The following IFT46 variants were observed in gnomAD, a reference collection of about 807,000 sequenced individuals.
IFT46 encodes intraflagellar transport protein 46 homolog.
A neutral mutation model predicts 39.6 loss-of-function variants in IFT46; 19 were observed. That is an observed-to-expected ratio of 0.48 (90% CI 0.33 to 0.70). The LOEUF is 0.70. Among genes scored for constraint, IFT46 ranks in the 30% least tolerant of loss-of-function variants. The pLI is 0.01. For missense variants in IFT46, 334 were observed against 364.8 expected (o/e 0.92, Z 0.69); for synonymous variants, 117 against 134.8 (o/e 0.87, Z 0.91).
intron 2 of IFT46, among the ~76,000 whole-genome samples, chr11:118,564,176 G>T (rs1938151273): frequency 8.1e-6 from 1 of 122,710 alleles, no homozygotes; most frequent in Non-Finnish European, 1.6e-5. Flanking sequence ...GTGATAGAGT[G>T]AGACTCTGTC....
chr11:118,559,513 C>T (rs1419922886), intron 3 of IFT46, among the ~76,000 whole-genome samples: 1 of 152,138 alleles, frequency 6.6e-6, no homozygotes, highest in African/African-American at 2.4e-5. Flanking sequence ...AAATAAGTAC[C>T]TCAGTTGAGT....
At chr11:118,573,450 C>G (rs1222640900), upstream of IFT46, among the ~76,000 whole-genome samples, 1 of 152,210 alleles carries the variant, frequency 6.6e-6, no homozygotes, top group African/African-American at 2.4e-5. Context: ...GAAATCAGAA[C>G]TGCTGACATC....
At chr11:118,571,115 C>T (rs959646288) in intron 1 of IFT46, among the ~76,000 whole-genome samples, 1 of 152,102 alleles carries the variant, frequency 6.6e-6, no homozygotes, top group Non-Finnish European at 1.5e-5. Flanking sequence ...TCCTACCCTT[C>T]CTGAGCCCCT....
chr11:118,554,410 C>G, intron 7 of IFT46, 49 bp downstream of exon 7: 1 of 1,530,252 alleles, frequency 6.5e-7, no homozygotes. Context: ...AAGGCCTCCT[C>G]CACTCTTGGC....
upstream of IFT46, among the ~76,000 whole-genome samples, chr11:118,567,734 A>T (rs563116943): frequency 6.6e-6 from 1 of 152,330 alleles, no homozygotes; most frequent in South Asian, 2.1e-4. Flanking sequence ...TTAAAAAAAA[A>T]TTTGTGATCT....
At chr11:118,571,434 CT>C (rs1216423336) in intron 1 of IFT46, among the ~76,000 whole-genome samples, 2 of 152,160 alleles carry the variant, frequency 1.3e-5, no homozygotes, top group East Asian at 3.9e-4. Flanking sequence ...TTCAGTTCTC[CT>C]GGGTATGTAC....
intron 5 of IFT46, 37 bp downstream of exon 5, chr11:118,555,211 G>A: frequency 6.3e-7 from 1 of 1,575,254 alleles, no homozygotes; most frequent in Non-Finnish European, 8.7e-7. Flanking sequence ...GGGCAAGGTA[G>A]GGATAGTGGG....
intron 7 of IFT46, among the ~76,000 whole-genome samples, chr11:118,552,936 C>T (rs1937696756): frequency 6.7e-6 from 1 of 149,568 alleles, no homozygotes. Context: ...AAAAAAAAAC[C>T]TAGCCAGGCA....
chr11:118,552,130 T>A, intron 8 of IFT46, 84 bp downstream of exon 8: 1 of 1,523,032 alleles, frequency 6.6e-7, no homozygotes, highest in Non-Finnish European at 9.0e-7. Context: ...GTTCCCAGCC[T>A]CTGGGCCTCT....
upstream of IFT46, among the ~76,000 whole-genome samples, chr11:118,575,532 G>A (rs1459631852): frequency 2.6e-5 from 4 of 152,064 alleles, no homozygotes; most frequent in African/African-American, 7.2e-5. Flanking sequence ...GGTTTCGTAT[G>A]TGGTCTACAT....
In IFT46 at chr11:118,555,055, G is replaced by C. The variant is rs1555069205; in HGVS notation, c.289C>G (p.His97Asp). The C allele has an allele frequency of 6.2e-7, 1 of 1,613,810 alleles. No homozygotes were observed. The highest frequency in any genetic ancestry group is 8.5e-7 in the Non-Finnish European group (1 of 1,179,710). Residue 97 changes from histidine to aspartate, a missense_variant, in exon 6 of 12, where the codon CAC becomes GAC. His to Asp is a moderately conservative substitution (Grantham distance 81). Transcript: ENST00000264021. ...TCAGGAATGAAAGGCTTCAGTTTGT[G>C]GTCCAGGTCAATCAACTGAGGTGTG... ...RYTPQLIDLDHKLKPFIPDFI... is the reference protein window; with the variant it reads ...RYTPQLIDLDDKLKPFIPDFI...
chr11:118,567,443 G>C (rs1591374527), upstream of IFT46, among the ~76,000 whole-genome samples: 1 of 152,048 alleles, frequency 6.6e-6, no homozygotes, highest in Non-Finnish European at 1.5e-5. Context: ...AGGCATGGTG[G>C]CGCGCGCCTG....
chr11:118,561,222 G>C, intron 2 of IFT46: 1 of 1,376,020 alleles, frequency 7.3e-7, no homozygotes. Flanking sequence ...AGTACCAAAC[G>C]ATTCCCTAGT....
chr11:118,573,474 T>C (rs993329131), upstream of IFT46: 6 of 489,902 alleles, frequency 1.2e-5, no homozygotes, highest in African/African-American at 1.2e-4. Context: ...CAATCTTCCT[T>C]TATCGCTGTG....
upstream of IFT46, among the ~76,000 whole-genome samples, chr11:118,574,682 T>C (rs1938443001): frequency 6.6e-6 from 1 of 152,126 alleles, no homozygotes; most frequent in Admixed American, 6.5e-5. Flanking sequence ...AATAGATAAA[T>C]AAGTGAACAA....
intron 2 of IFT46, chr11:118,560,919 C>T: frequency 1.0e-6 from 1 of 956,006 alleles, no homozygotes; most frequent in East Asian, 2.4e-5. Context: ...GTCTGCGCAG[C>T]ATATGCACAC....
chr11:118,572,310 G>A (rs1051074644), intron 1 of IFT46: 1 of 507,716 alleles, frequency 2.0e-6, no homozygotes, highest in East Asian at 3.1e-5. Context: ...ATCGTAACCG[G>A]AGCGGGGTAC....
intron 11 of IFT46, 67 bp downstream of exon 11, chr11:118,545,342 G>C: frequency 8.5e-7 from 1 of 1,175,818 alleles, no homozygotes; most frequent in Non-Finnish European, 1.3e-6. Flanking sequence ...ATCACAGCAG[G>C]CTCAGAACAG....
chr11:118,572,516 G>C (rs1938367698), intron 1 of IFT46: 1 of 1,611,150 alleles, frequency 6.2e-7, no homozygotes, highest in African/African-American at 1.3e-5. Flanking sequence ...AGTGGAGCCG[G>C]AGTGCGGGCG....
Sources: allele counts gnomAD v4.1 joint callset (sites outside exome capture counted in the v4.1 genomes callset), GRCh38; gene constraint gnomAD v4.1.1; transcripts MANE v1.5; gene names NCBI Gene and HGNC (gene_info 2026-07-23, HGNC 2026-07-21).